Variants in NAV3 observed in about 807,000 individuals in gnomAD.
The protein encoded by NAV3 is pore membrane and/or filament interacting like protein 1.
A neutral mutation model predicts 244.7 loss-of-function variants in NAV3; 87 were observed. The ratio of observed to expected loss-of-function variants is 0.36; its 90% CI spans 0.30 to 0.42. The LOEUF (loss-of-function observed/expected upper bound fraction) is 0.42. Ranked by LOEUF, NAV3 falls within the 20% of genes least tolerant of loss-of-function variation. The probability of loss-of-function intolerance (pLI) is 1.00; values close to 1 mark genes in which losing one functional copy is unlikely to be tolerated. For synonymous variants in NAV3, 1,126 were observed against 1,042.2 expected, an observed-to-expected ratio of 1.08 and a Z score of -1.55; for missense variants, 2,663 against 2,893.3, an observed-to-expected ratio of 0.92 and a Z score of 1.83.
intron 12 of NAV3, among the ~76,000 whole-genome samples, chr12:78,064,964 A>G (rs1884836773): frequency 6.6e-6 from 1 of 152,110 alleles, no homozygotes; most frequent in Admixed American, 6.6e-5. Flanking sequence ...CCCAATTTTT[A>G]AGTATTAGAA....
At chr12:77,694,918 T>C (rs765761674) in intron 2 of NAV3, among the ~76,000 whole-genome samples, 1 of 152,132 alleles carries the variant, frequency 6.6e-6, no homozygotes, top group Admixed American at 6.6e-5. Flanking sequence ...ATATAGGAAC[T>C]CAGGGACACA....
intron 11 of NAV3, among the ~76,000 whole-genome samples, chr12:78,054,713 G>A (rs940778385): frequency 6.6e-5 from 10 of 152,078 alleles, no homozygotes; most frequent in Non-Finnish European, 1.5e-4. Flanking sequence ...TACCCATGAA[G>A]GCATAAGGCA....
chr12:77,637,154 T>TA lies in NAV3; in HGVS notation c.72+64891dup, dbSNP rs1872194816. On this transcript the variant is annotated intron_variant, in intron 2 of 8. Coordinates refer to the NAV3 transcript ENST00000550042. ...TAAAGTATAATAAAAAAAGGAAAAA[T>TA]AAATAAATAAGTCTAATAAATGTTT... 5.3e-5 allele frequency among the ~76,000 whole-genome samples: 8 copies of TA among 151,552 alleles called. 1 individual carries two copies. The South Asian group carries it at 1.7e-3, about 32-fold the overall frequency.
At chr12:77,730,360 G>T (rs1416938401) in intron 2 of NAV3, among the ~76,000 whole-genome samples, 1 of 151,662 alleles carries the variant, frequency 6.6e-6, no homozygotes, top group Non-Finnish European at 1.5e-5. Flanking sequence ...TGAACAAAAA[G>T]ATTTTTAGAA....
chr12:77,679,575 A>G (rs1874358027), intron 2 of NAV3, among the ~76,000 whole-genome samples: 1 of 152,108 alleles, frequency 6.6e-6, no homozygotes, highest in African/African-American at 2.4e-5. Flanking sequence ...TTGTTTATTA[A>G]GTGATAGTTT....
intron 8 of NAV3, among the ~76,000 whole-genome samples, chr12:78,009,615 C>T (rs758017849): frequency 6.6e-6 from 1 of 152,026 alleles, no homozygotes; most frequent in Non-Finnish European, 1.5e-5. Context: ...GATTCTGACC[C>T]ACAATTTCCT....
At chr12:77,585,975 A>T (rs1403449133) in intron 2 of NAV3, among the ~76,000 whole-genome samples, 24 of 152,202 alleles carry the variant, frequency 1.6e-4, no homozygotes, top group Non-Finnish European at 1.5e-5. Flanking sequence ...ATCCTGGCGA[A>T]CATGGTGAGA....
At chr12:77,895,924 A>C (rs1011387944) in intron 1 of NAV3, among the ~76,000 whole-genome samples, 1 of 138,850 alleles carries the variant, frequency 7.2e-6, no homozygotes, top group Non-Finnish European at 1.5e-5. Context: ...TTTTATGGCC[A>C]TTTAGACTGC....
Position 77,766,735 on chromosome 12 carries a change from G to GT in NAV3, c.73-173548dup, listed in dbSNP as rs748531378. ...AGGATTCTAAAAAACAGGCAATTAA[G>GT]TTTTTTTTTTTTTTTTTTTTTTTTT... On this transcript the variant is annotated intron_variant, in intron 2 of 8. Transcript: ENST00000550042. Among the ~76,000 whole-genome samples, 88 of 60,508 alleles carry GT rather than the reference G, an allele frequency of 1.5e-3. 14 individuals carry two copies. Among genetic ancestry groups the GT allele is most frequent in the African/African-American group, 5.4e-3 (85 of 15,826 alleles). The allele number at this position is 60,508 out of a possible 152,430, so 39.7% of individuals were successfully genotyped here. A position where few individuals can be genotyped will look rare whatever the true frequency, so the allele number is the denominator to read the frequency against.
chr12:77,606,099 G>A (rs1471257008), intron 2 of NAV3, among the ~76,000 whole-genome samples: 2 of 152,084 alleles, frequency 1.3e-5, no homozygotes, highest in East Asian at 1.9e-4. Flanking sequence ...AAACCTCATA[G>A]GTAAAAATGA....
chr12:78,063,597 G>C (rs915353180), intron 12 of NAV3, among the ~76,000 whole-genome samples: 1 of 152,142 alleles, frequency 6.6e-6, no homozygotes, highest in Non-Finnish European at 1.5e-5. Flanking sequence ...TGGTAAGAGA[G>C]AGTAATGTAA....
intron 2 of NAV3, among the ~76,000 whole-genome samples, chr12:77,664,943 T>C (rs559955137): frequency 1.1e-4 from 16 of 152,342 alleles, no homozygotes; most frequent in Non-Finnish European, 1.9e-4. Context: ...CAAGGTCTTG[T>C]GATGTTGTCC....
At chr12:77,826,209 G>A (rs1043845487), upstream of NAV3, among the ~76,000 whole-genome samples, 3 of 152,136 alleles carry the variant, frequency 2.0e-5, no homozygotes, top group African/African-American at 7.2e-5. Flanking sequence ...ACATAAGACA[G>A]ATATAAATAT....
At chr12:77,603,762 C>G (rs1870545488) in intron 2 of NAV3, among the ~76,000 whole-genome samples, 2 of 152,008 alleles carry the variant, frequency 1.3e-5, no homozygotes, top group Admixed American at 6.6e-5. Context: ...TCCTCCTTCT[C>G]TCATTCTTCC....
rs185909129 is a variant in NAV3, at chr12:77,739,271, T to C, written c.72+167005T>C. ...GTCAGCTGTTGTTTATATCATTCTG[T>C]ATCCTGATAAACTGCAACATTAGTT... On this transcript the variant is annotated intron_variant, in intron 2 of 8. Coordinates refer to the NAV3 transcript ENST00000550042. Among the ~76,000 whole-genome samples the C allele has an allele frequency of 1.6e-3, 242 of 152,304 alleles. 1 individual carries two copies. In the Middle Eastern group the frequency reaches 0.021, roughly 13 times the overall value.
chr12:77,905,727 A>G (rs1370338410), intron 1 of NAV3, among the ~76,000 whole-genome samples: 1 of 152,176 alleles, frequency 6.6e-6, no homozygotes, highest in African/African-American at 2.4e-5. Context: ...AGCTTTTGTA[A>G]TAGTAATTAT....
At position 77,917,679 on chromosome 12, in the gene NAV3, G is replaced by T. The variant is rs1287532283; in HGVS notation, c.244-22640G>T. Among the ~76,000 whole-genome samples the T allele has an allele frequency of 1.3e-5, 2 of 151,946 alleles. 1 individual carries two copies. Among genetic ancestry groups the T allele is most frequent in the South Asian group, 4.1e-4 (2 of 4,826 alleles). ...GTGTGGAGCTATGAATGGAACTAAT[G>T]GAAGGTTAAAGGGCAGGAAGCAGAG... On this transcript the variant is annotated intron_variant, in intron 1 of 39. Transcript: ENST00000397909.
chr12:77,956,864 T>C (rs1410458358), intron 3 of NAV3, among the ~76,000 whole-genome samples: 2 of 152,074 alleles, frequency 1.3e-5, no homozygotes, highest in Admixed American at 6.5e-5. Context: ...TGCCTCAGCC[T>C]CCAGAGTAGC....
At chr12:77,837,292 A>C (rs891485057) in intron 1 of NAV3, among the ~76,000 whole-genome samples, 13 of 151,932 alleles carry the variant, frequency 8.6e-5, no homozygotes, top group African/African-American at 3.1e-4. Context: ...GTAAACAACT[A>C]TAAATGAAGC....
Sources: gnomAD v4.1 joint callset for allele counts (sites outside exome capture counted in the v4.1 genomes callset) on GRCh38, gnomAD v4.1.1 for gene constraint, MANE v1.5 for transcripts, NCBI Gene and HGNC (gene_info 2026-07-23, HGNC 2026-07-21) for gene names.